The following CTNNA3 variants were observed in gnomAD, a reference collection of about 807,000 sequenced individuals.
CTNNA3 encodes the protein catenin alpha-3.
In CTNNA3, 76 loss-of-function variants were observed where a neutral mutation model predicts 95.7. The observed-to-expected ratio is 0.79, with a 90% CI of 0.66 to 0.96. The LOEUF (loss-of-function observed/expected upper bound fraction) is 0.96. Ranked by LOEUF, CTNNA3 falls within the 40% of genes least tolerant of loss-of-function variation. CTNNA3 has a pLI of 0.00. For missense variants in CTNNA3, 1,191 were observed against 1,089.8 expected (o/e 1.09, Z -1.31); for synonymous variants, 431 against 374.4 (o/e 1.15, Z -1.74).
chr10:67,053,703 A>C (rs1273083961), intron 7 of CTNNA3, among the ~76,000 whole-genome samples: 2 of 152,202 alleles, frequency 1.3e-5, no homozygotes, highest in African/African-American at 4.8e-5. Flanking sequence ...AAGAGCAAAA[A>C]CAAATGAAAA....
intron 15 of CTNNA3, among the ~76,000 whole-genome samples, chr10:66,039,592 T>A (rs1259359671): frequency 6.6e-6 from 1 of 152,184 alleles, no homozygotes; most frequent in Non-Finnish European, 1.5e-5. Flanking sequence ...TACAACCATC[T>A]GATCTTGGAC....
chr10:66,606,914 C>A (rs2132273422), intron 10 of CTNNA3, among the ~76,000 whole-genome samples: 1 of 151,770 alleles, frequency 6.6e-6, no homozygotes. Context: ...AGAAAAGAAA[C>A]AAATCAATCC....
At chr10:66,710,639 G>A (rs1019241414) in intron 9 of CTNNA3, among the ~76,000 whole-genome samples, 3 of 151,352 alleles carry the variant, frequency 2.0e-5, no homozygotes, top group Admixed American at 6.6e-5. Context: ...ATTAATATGT[G>A]GCTCCTAAAG....
chr10:67,634,215 T>C (rs2133443486), intron 2 of CTNNA3, among the ~76,000 whole-genome samples: 1 of 152,294 alleles, frequency 6.6e-6, no homozygotes, highest in Admixed American at 6.5e-5. Flanking sequence ...CAGAATTTCA[T>C]ATCTGGCCAT....
intron 12 of CTNNA3, among the ~76,000 whole-genome samples, chr10:66,305,499 T>A (rs920713249): frequency 2.0e-5 from 3 of 152,218 alleles, no homozygotes; most frequent in Admixed American, 1.3e-4. Flanking sequence ...TCCACCATCC[T>A]GATTCAAAAT....
At chr10:66,480,246 C>G (rs12256477) in intron 11 of CTNNA3, among the ~76,000 whole-genome samples, 9,411 of 152,158 alleles carry the variant, frequency 0.062, 607 homozygotes, top group African/African-American at 0.16. Context: ...CATTTTCAAA[C>G]TATAATTCTG....
At chr10:67,254,264 A>G (rs1866239732) in intron 5 of CTNNA3, among the ~76,000 whole-genome samples, 1 of 152,150 alleles carries the variant, frequency 6.6e-6, no homozygotes, top group Non-Finnish European at 1.5e-5. Flanking sequence ...AATTAGAAAC[A>G]TGAACAAATT....
At chr10:66,108,471 C>G (rs1405713697) in intron 13 of CTNNA3, among the ~76,000 whole-genome samples, 1 of 152,162 alleles carries the variant, frequency 6.6e-6, no homozygotes, top group Non-Finnish European at 1.5e-5. Flanking sequence ...GCTCTCTACT[C>G]AGAGAAGTCT....
chr10:67,180,566 A>G (rs779406535), intron 6 of CTNNA3, 46 bp from the exon 7 acceptor site: 11 of 1,455,790 alleles, frequency 7.6e-6, no homozygotes, highest in Non-Finnish European at 8.6e-6. Context: ...ATGGCATTTC[A>G]CTTTTATGAA....
At chr10:66,880,681 CT>C (rs1480466235) in intron 7 of CTNNA3, among the ~76,000 whole-genome samples, 1 of 152,134 alleles carries the variant, frequency 6.6e-6, no homozygotes, top group Non-Finnish European at 1.5e-5. Context: ...AGCAATGACA[CT>C]TTTTTTCTCC....
At chr10:67,645,923 A>T (rs1340266150) in intron 2 of CTNNA3, among the ~76,000 whole-genome samples, 1 of 147,576 alleles carries the variant, frequency 6.8e-6, no homozygotes, top group African/African-American at 2.5e-5. Flanking sequence ...TCCACTTGTT[A>T]ATATATATAT....
intron 13 of CTNNA3, among the ~76,000 whole-genome samples, chr10:66,106,356 T>A: frequency 6.6e-6 from 1 of 151,314 alleles, no homozygotes; most frequent in East Asian, 1.9e-4. Context: ...TGTGTGTGTG[T>A]GTGTGTGTGT....
At position 66,020,072 on chromosome 10, in the gene CTNNA3, A is replaced by G. The variant is rs906243052; in HGVS notation, c.2160-31275T>C. On this transcript the variant is annotated intron_variant, in intron 15 of 17. Transcript: ENST00000433211. ...AACTTATTCTTTCCTTCATCACAAA[A>G]TACTCATCATCAAAAACCATAGTTG... Among the ~76,000 whole-genome samples the G allele has an allele frequency of 3.9e-5, 6 of 152,332 alleles. No homozygotes were observed. In the East Asian group the frequency reaches 1.2e-3, roughly 29 times the overall value.
At chr10:66,383,326 A>G (rs2092857914) in intron 11 of CTNNA3, among the ~76,000 whole-genome samples, 1 of 152,232 alleles carries the variant, frequency 6.6e-6, no homozygotes, top group African/African-American at 2.4e-5. Flanking sequence ...AGATTCGATC[A>G]AGTGGAAGAA....
chr10:65,992,457 C>T (rs7898364), intron 15 of CTNNA3, among the ~76,000 whole-genome samples: 1 of 151,744 alleles, frequency 6.6e-6, no homozygotes, highest in African/African-American at 2.4e-5. Flanking sequence ...TCTATTTTTT[C>T]CACACTTGAT....
chr10:67,450,416 A>G (rs1321620283), intron 5 of CTNNA3, among the ~76,000 whole-genome samples: 1 of 152,308 alleles, frequency 6.6e-6, no homozygotes, highest in African/African-American at 2.4e-5. Flanking sequence ...TAAAGAAAAT[A>G]TGGTACATAT....
intron 10 of CTNNA3, among the ~76,000 whole-genome samples, chr10:66,602,195 AG>A (rs1843952398): frequency 6.6e-6 from 1 of 151,918 alleles, no homozygotes; most frequent in Non-Finnish European, 1.5e-5. Context: ...TTAACCCTCA[AG>A]ACAAGGTTCT....
Position 66,444,906 on chromosome 10 carries a change from A to C in CTNNA3, c.1532-65554T>G, listed in dbSNP as rs576987971. On this transcript the variant is annotated intron_variant, in intron 11 of 17. Transcript: ENST00000433211. ...ATTGGATAAAGAGTCAAGACCCATCAGTGTGCTGTATTCAGGAAACCCATC... is the reference window on the plus strand; with the variant it reads ...ATTGGATAAAGAGTCAAGACCCATCCGTGTGCTGTATTCAGGAAACCCATC... Among the ~76,000 whole-genome samples the C allele has an allele frequency of 3.3e-3, 503 of 152,210 alleles. 1 individual carries two copies. The highest frequency in any genetic ancestry group is 0.012 in the African/African-American group (482 of 41,514).
chr10:65,997,501 T>C (rs2078688305), intron 15 of CTNNA3, among the ~76,000 whole-genome samples: 1 of 152,178 alleles, frequency 6.6e-6, no homozygotes, highest in Non-Finnish European at 1.5e-5. Context: ...CACCCTTTGA[T>C]CTGATCTTGT....
Sources: gnomAD v4.1 joint callset for allele counts (sites outside exome capture counted in the v4.1 genomes callset) on GRCh38, gnomAD v4.1.1 for gene constraint, MANE v1.5 for transcripts, NCBI Gene and HGNC (gene_info 2026-07-23, HGNC 2026-07-21) for gene names.